Variants in MYH10 observed in about 807,000 individuals in gnomAD.
MYH10 encodes myosin-10.
A neutral mutation model predicts 257.8 loss-of-function variants in MYH10; 55 were observed. That is an observed-to-expected ratio of 0.21 (90% CI 0.17 to 0.27). The LOEUF (loss-of-function observed/expected upper bound fraction) is 0.27. MYH10 is among the 10% of genes least tolerant of loss of function. The pLI is 1.00. For synonymous variants in MYH10, 854 were observed against 921.7 expected (o/e 0.93, Z 1.33); for missense variants, 1,631 against 2,500.6 (o/e 0.65, Z 7.42).
intron 29 of MYH10, among the ~76,000 whole-genome samples, chr17:8,500,570 G>C (rs1917368862): frequency 6.6e-6 from 1 of 152,220 alleles, no homozygotes; most frequent in Non-Finnish European, 1.5e-5. Flanking sequence ...AGTGAGAAGA[G>C]ACACTGGGGA....
intron 21 of MYH10, among the ~76,000 whole-genome samples, chr17:8,518,324 G>T (rs9889928): frequency 6.6e-6 from 1 of 151,968 alleles, no homozygotes; most frequent in East Asian, 1.9e-4. Flanking sequence ...AGTAGAGATG[G>T]GGTTTTGCCA....
Sources: gnomAD v4.1 joint callset for allele counts (sites outside exome capture counted in the v4.1 genomes callset) on GRCh38, gnomAD v4.1.1 for gene constraint, MANE v1.5 for transcripts, NCBI Gene and HGNC (gene_info 2026-07-23, HGNC 2026-07-21) for gene names.